The following CDK13 variants were observed in gnomAD, a reference collection of about 807,000 sequenced individuals.
CDK13 encodes cyclin-dependent kinase 13.
A neutral mutation model predicts 137.6 loss-of-function variants in CDK13; 40 were observed. The ratio of observed to expected loss-of-function variants is 0.29; its 90% CI spans 0.23 to 0.38. CDK13 has a LOEUF of 0.38. Ranked by LOEUF, CDK13 falls within the 10% of genes least tolerant of loss-of-function variation. The pLI is 1.00. For missense variants in CDK13, 1,704 were observed against 1,951.8 expected (o/e 0.87, Z 2.39); for synonymous variants, 869 against 760.1 (o/e 1.14, Z -2.36).
At position 39,996,227 on chromosome 7, in the gene CDK13, A is replaced by G. The variant is rs113508523; in HGVS notation, c.1872-1267A>G. On this transcript the variant is annotated intron_variant, in intron 2 of 13. Coordinates refer to ENST00000181839, the MANE Select transcript of CDK13 (RefSeq NM_003718.5). ...ATAGGAGGATAATTACAATTACATT[A>G]TTTACATTGATAATATCTTCAGTAA... is the stretch of plus-strand genomic sequence containing the variant. 6.2e-3 allele frequency among the ~76,000 whole-genome samples: 948 copies of G among 152,308 alleles called. 13 individuals carry two copies. The highest frequency in any genetic ancestry group is 0.021 in the African/African-American group (875 of 41,556).
intron 1 of CDK13, among the ~76,000 whole-genome samples, chr7:39,962,957 G>GTC (rs754945149): frequency 6.6e-6 from 1 of 152,116 alleles, no homozygotes; most frequent in Non-Finnish European, 1.5e-5. Flanking sequence ...TACTTCTGAG[G>GTC]TCTCTGTTCT....
intron 1 of CDK13, among the ~76,000 whole-genome samples, chr7:39,975,791 A>T (rs918538029): frequency 2.0e-5 from 3 of 152,212 alleles, no homozygotes; most frequent in African/African-American, 7.2e-5. Context: ...TATAATAAAG[A>T]TGGAAGGCGG....
At chr7:39,960,855 G>A (rs1432195854) in intron 1 of CDK13, among the ~76,000 whole-genome samples, 4 of 151,566 alleles carry the variant, frequency 2.6e-5, no homozygotes, top group African/African-American at 4.8e-5. Context: ...GATTACAGGC[G>A]TGAGCCACCG....
chr7:40,036,438 G>GGCA (rs1040250290), intron 5 of CDK13, among the ~76,000 whole-genome samples: 4 of 152,130 alleles, frequency 2.6e-5, no homozygotes. Flanking sequence ...CAGGTGTGGT[G>GGCA]GCAGGTACCT....
At chr7:40,077,780 C>T (rs17496641) in intron 9 of CDK13, among the ~76,000 whole-genome samples, 4,683 of 152,220 alleles carry the variant, frequency 0.031, 226 homozygotes, top group African/African-American at 0.11. Flanking sequence ...CACTTGAACC[C>T]AGGAGGCAGA....
At chr7:39,971,922 C>G (rs1784008092) in intron 1 of CDK13, among the ~76,000 whole-genome samples, 1 of 152,058 alleles carries the variant, frequency 6.6e-6, no homozygotes, top group Non-Finnish European at 1.5e-5. Context: ...AGGTCCAGCC[C>G]CACACGGTTA....
chr7:39,978,584 G>A (rs1032761380), intron 1 of CDK13, among the ~76,000 whole-genome samples: 1 of 152,084 alleles, frequency 6.6e-6, no homozygotes, highest in Non-Finnish European at 1.5e-5. Context: ...TTCCTTCAGG[G>A]GAATTAACAA....
chr7:40,094,227 C>G lies in CDK13; in HGVS notation c.3786C>G (p.Pro1262=), dbSNP rs770891750. ...PRILPPDQRP[P]EPPEPPPVTE... ...TTCTGCCTCCTGACCAACGACCTCC[C>G]GAGCCTCCTGAACCACCACCAGTCA... Residue 1262 remains proline (P), a synonymous_variant, in exon 14 of 14, where the codon CCC becomes CCG. Transcript: ENST00000181839. 1.2e-6 allele frequency: 2 copies of G among 1,613,442 alleles called. No homozygotes were observed. Among genetic ancestry groups the G allele is most frequent in the African/African-American group, 1.3e-5 (1 of 74,838 alleles).
chr7:40,012,605 A>G (rs888063715), intron 5 of CDK13, among the ~76,000 whole-genome samples: 1 of 151,808 alleles, frequency 6.6e-6, no homozygotes, highest in Non-Finnish European at 1.5e-5. Flanking sequence ...GTCAAATAAA[A>G]CATTTAAAAG....
chr7:40,045,938 G>A lies in CDK13; in HGVS notation c.2456G>A (p.Arg819Lys). The A allele has an allele frequency of 6.2e-7, 1 of 1,612,950 alleles. No individual in the cohort carries two copies. The highest frequency in any genetic ancestry group is 8.5e-7 in the Non-Finnish European group (1 of 1,179,076). The stretch of plus-strand genomic sequence containing the variant: ...GAAAATCACATAAAGTCATTTATGA[G>A]ACAGCTCATGGAGGGTCTGGATTAT... ...FNENHIKSFM[R>K]QLMEGLDYCH... Residue 819 changes from arginine (R) to lysine (K), a missense_variant, in exon 6 of 14, where the codon AGA (arginine) becomes AAA (lysine). This residue lies in a region of CDK13 where 130 missense variants were observed against 362.4 expected (regional missense o/e 0.36). Transcript: ENST00000181839.
At chr7:39,993,942 A>C (rs968083480) in intron 2 of CDK13, among the ~76,000 whole-genome samples, 1 of 152,138 alleles carries the variant, frequency 6.6e-6, no homozygotes, top group Non-Finnish European at 1.5e-5. Context: ...CAATTTTGAC[A>C]GTCTTTAAAA....
intron 1 of CDK13, among the ~76,000 whole-genome samples, chr7:39,959,425 T>C (rs1787538064): frequency 6.6e-6 from 1 of 151,754 alleles, no homozygotes; most frequent in Admixed American, 6.6e-5. Flanking sequence ...CCTCCCAGAG[T>C]GCTGGGATTA....
chr7:39,956,806 T>G (rs1461015483), intron 1 of CDK13, among the ~76,000 whole-genome samples: 1 of 152,162 alleles, frequency 6.6e-6, no homozygotes, highest in Admixed American at 6.5e-5. Flanking sequence ...TGACTTGTCT[T>G]GAACTCCTGG....
intron 1 of CDK13, among the ~76,000 whole-genome samples, chr7:39,961,444 T>C (rs911812337): frequency 6.6e-6 from 1 of 152,142 alleles, no homozygotes; most frequent in African/African-American, 2.4e-5. Flanking sequence ...CGCTAAAATT[T>C]ATTACTTCTG....
intron 5 of CDK13, among the ~76,000 whole-genome samples, chr7:40,014,257 C>G (rs948680606): frequency 6.6e-6 from 1 of 151,254 alleles, no homozygotes; most frequent in Non-Finnish European, 1.5e-5. Context: ...TTAATGGAAA[C>G]GGGGTTTCAC....
intron 7 of CDK13, among the ~76,000 whole-genome samples, chr7:40,056,601 A>G (rs970003756): frequency 4.6e-5 from 7 of 152,252 alleles, no homozygotes; most frequent in African/African-American, 1.2e-4. Flanking sequence ...ATTTCACGCT[A>G]TCACTTTGAC....
chr7:39,973,801 T>C (rs1562706023), intron 1 of CDK13, among the ~76,000 whole-genome samples: 1 of 152,352 alleles, frequency 6.6e-6, no homozygotes, highest in East Asian at 1.9e-4. Context: ...CTTTTGTGTG[T>C]GGATATACAG....
intron 9 of CDK13, among the ~76,000 whole-genome samples, chr7:40,068,383 A>G (rs1786329972): frequency 1.3e-5 from 2 of 151,832 alleles, no homozygotes; most frequent in South Asian, 2.1e-4. Context: ...ATTTTATAGC[A>G]TGCTGTACTG....
chr7:40,064,329 T>TA (rs1786228961), intron 9 of CDK13, among the ~76,000 whole-genome samples: 1 of 151,490 alleles, frequency 6.6e-6, no homozygotes, highest in Non-Finnish European at 1.5e-5. Context: ...GTTTCATATG[T>TA]AATAATGTAA....
Sources: allele counts gnomAD v4.1 joint callset (sites outside exome capture counted in the v4.1 genomes callset), GRCh38; gene constraint gnomAD v4.1.1; regional missense constraint gnomAD v4.1.1; transcripts MANE v1.5; gene names NCBI Gene and HGNC (gene_info 2026-07-23, HGNC 2026-07-21).